Variants in ST3GAL3 observed in about 807,000 individuals in gnomAD.
ST3GAL3 encodes CMP-N-acetylneuraminate-beta-1,4-galactoside alpha-2,3-sialyltransferase.
Under a neutral mutation model 50.1 loss-of-function variants are expected in ST3GAL3, and 21 were observed. That is an observed-to-expected ratio of 0.42 (90% confidence interval 0.30 to 0.60). The LOEUF (loss-of-function observed/expected upper bound fraction) is 0.60, where lower values mean the gene tolerates loss of function less well. Among genes scored for constraint, ST3GAL3 ranks in the 20% least tolerant of loss-of-function variants. ST3GAL3 has a pLI of 0.19. For synonymous variants in ST3GAL3, 183 were observed against 190.0 expected, an observed-to-expected ratio of 0.96 and a Z score of 0.30; for missense variants, 353 against 489.4, an observed-to-expected ratio of 0.72 and a Z score of 2.63.
intron 2 of ST3GAL3, chr1:43,771,816 C>T (rs1695345650): frequency 2.8e-6 from 1 of 359,058 alleles, no homozygotes; most frequent in Admixed American, 4.7e-5. Context: ...AGTTGTGATG[C>T]TTATAGTGTT....
intron 4 of ST3GAL3, among the ~76,000 whole-genome samples, chr1:43,820,663 G>T (rs557574178): frequency 6.6e-6 from 1 of 150,550 alleles, no homozygotes; most frequent in Non-Finnish European, 1.5e-5. Context: ...TTTTCTTTTA[G>T]AATTCCCTGC....
chr1:43,887,493 A>C (rs1452723138), intron 5 of ST3GAL3, among the ~76,000 whole-genome samples: 1 of 152,174 alleles, frequency 6.6e-6, no homozygotes, highest in Non-Finnish European at 1.5e-5. Context: ...TTGCATTCAG[A>C]GAGTATTGGA....
At chr1:43,839,395 G>T (rs1574002922) in intron 5 of ST3GAL3, 1 of 152,142 alleles carries the variant, frequency 6.6e-6, no homozygotes, top group African/African-American at 2.4e-5. Context: ...CTTAACACAG[G>T]TTTTTGCAAG....
In ST3GAL3 at chr1:43,734,062, G is replaced by T. The variant is rs550871947; in HGVS notation, c.-30-2171G>T. On this transcript the variant is annotated intron_variant, in intron 1 of 11. Coordinates refer to ENST00000347631, the MANE Select transcript of ST3GAL3 (RefSeq NM_006279.5). The stretch of plus-strand genomic sequence containing the variant: ...GGAGGTGGAAGTTGCAGTGAACCGA[G>T]ATCGTGCCATTGCACTCCAGCCTGG... Among the ~76,000 whole-genome samples the T allele has an allele frequency of 2.0e-5, 3 of 152,146 alleles. No individual in the cohort carries two copies. The East Asian group carries it at 5.8e-4, about 29-fold the overall frequency.
At chr1:43,786,016 A>AT (rs112668946) in intron 2 of ST3GAL3, among the ~76,000 whole-genome samples, 47 of 150,064 alleles carry the variant, frequency 3.1e-4, no homozygotes, top group East Asian at 1.4e-3. Flanking sequence ...CCTTTTAAGC[A>AT]TTTTTTTTTG....
At chr1:43,762,846 A>G (rs1363398087) in intron 2 of ST3GAL3, among the ~76,000 whole-genome samples, 4 of 152,152 alleles carry the variant, frequency 2.6e-5, no homozygotes, top group African/African-American at 9.7e-5. Flanking sequence ...CCAAAAACCA[A>G]GTCCTGGGGA....
At chr1:43,873,989 G>A (rs774632743) in intron 5 of ST3GAL3, among the ~76,000 whole-genome samples, 1 of 152,016 alleles carries the variant, frequency 6.6e-6, no homozygotes, top group Non-Finnish European at 1.5e-5. Flanking sequence ...GGGAGCAACT[G>A]CAGAAAGGAA....
chr1:43,894,454 C>A lies in ST3GAL3; in HGVS notation c.374C>A (p.Pro125Gln), dbSNP rs1238367993. ...TGGGCTAGAATCCGGGAGTTCGTGC[C>A]GCCTTTTGGGATCAAAGGTCAAGGT... ...RKWARIREFV[P>Q]PFGIKGQDNL... The change falls in exon 6 of 12, where the codon CCG becomes CAG. Residue 125 changes from proline (P) to glutamine (Q), a missense_variant. Transcript: ENST00000347631. 6.2e-7 allele frequency: 1 copy of A among 1,613,976 alleles called. No homozygotes were observed. Among genetic ancestry groups the A allele is most frequent in the Non-Finnish European group, 8.5e-7 (1 of 1,180,016 alleles).
intron 5 of ST3GAL3, among the ~76,000 whole-genome samples, chr1:43,883,645 C>A (rs775637509): frequency 6.6e-6 from 1 of 152,250 alleles, no homozygotes; most frequent in Non-Finnish European, 1.5e-5. Context: ...TTCTTCCTCA[C>A]ACATTGCTCC....
chr1:43,930,726 G>A lies in ST3GAL3; in HGVS notation c.*505G>A, dbSNP rs913365404. The A allele has an allele frequency of 7.0e-5, 16 of 228,924 alleles. No individual in the cohort carries two copies. The highest frequency in any genetic ancestry group is 1.2e-4 in the Non-Finnish European group (14 of 113,022). 14.2% of individuals were successfully genotyped at this position (228,924 alleles called of 1,614,324 possible). On this transcript the variant is annotated 3_prime_UTR_variant, in exon 12 of 12. Transcript: ENST00000347631. Reference sequence around the variant, plus strand: ...GGACCAGCCTGTACCTTGCTGTGGGGCTACAGGATGGTGGGCAGGATCTCA... The same window carrying A: ...GGACCAGCCTGTACCTTGCTGTGGGACTACAGGATGGTGGGCAGGATCTCA...
intron 5 of ST3GAL3, among the ~76,000 whole-genome samples, chr1:43,891,287 T>C (rs557129679): frequency 6.6e-5 from 10 of 152,312 alleles, no homozygotes; most frequent in African/African-American, 2.4e-4. Flanking sequence ...AAATAATGAT[T>C]GGCTGGGCTC....
chr1:43,824,860 A>G, intron 4 of ST3GAL3: 1 of 922,844 alleles, frequency 1.1e-6, no homozygotes, highest in Non-Finnish European at 1.8e-6. Context: ...GCGAGGACAC[A>G]GCCTTTGCAT....
chr1:43,899,343 T>C lies in ST3GAL3; in HGVS notation c.557+80T>C. On this transcript the variant is annotated intron_variant, in intron 8 of 11. Coordinates refer to ENST00000347631, the MANE Select transcript of ST3GAL3 (RefSeq NM_006279.5). This position sits in a 1 kb window ranked among gnomAD's most constrained non-coding sequence, Gnocchi z 5.4. ...CTGAGCCCATTGAGAACTGTCTGTC[T>C]GGCTAGTTGGGCTGGAGGTCAACGG... is the stretch of plus-strand genomic sequence containing the variant. 1 of 1,611,730 alleles carries C rather than the reference T, an allele frequency of 6.2e-7. No homozygotes were observed. The highest frequency in any genetic ancestry group is 8.5e-7 in the Non-Finnish European group (1 of 1,178,860).
At chr1:43,718,530 T>TA (rs1668629323) in intron 1 of ST3GAL3, among the ~76,000 whole-genome samples, 1 of 151,688 alleles carries the variant, frequency 6.6e-6, no homozygotes, top group East Asian at 1.9e-4. Flanking sequence ...AGTTTTTTTT[T>TA]ATTTTTTAAA....
chr1:43,851,182 C>A, intron 5 of ST3GAL3: 3 of 1,421,028 alleles, frequency 2.1e-6, no homozygotes, highest in Non-Finnish European at 3.0e-6. Context: ...TGTTCTCCTC[C>A]AGCTGGTCAT....
intron 1 of ST3GAL3, among the ~76,000 whole-genome samples, chr1:43,730,168 GT>G (rs1674984366): frequency 6.6e-6 from 1 of 152,134 alleles, no homozygotes; most frequent in Admixed American, 6.6e-5. Flanking sequence ...TTTGAAGATT[GT>G]TTTCCCTAAT....
intron 2 of ST3GAL3, among the ~76,000 whole-genome samples, chr1:43,757,752 G>C (rs1336619359): frequency 6.6e-6 from 1 of 152,054 alleles, no homozygotes; most frequent in East Asian, 1.9e-4. Context: ...TTCTTAAATA[G>C]GGCAGAAAAG....
In ST3GAL3 at chr1:43,899,471, T is replaced by C. The variant is rs1427312124; in HGVS notation, c.558-70T>C. The C allele has an allele frequency of 9.4e-6, 15 of 1,599,882 alleles. No homozygotes were observed. The highest frequency in any genetic ancestry group is 1.2e-5 in the Non-Finnish European group (14 of 1,175,124). On this transcript the variant is annotated intron_variant, in intron 8 of 11. Transcript: ENST00000347631. This position sits in a 1 kb window ranked among gnomAD's most constrained non-coding sequence, Gnocchi z 5.4. ...ACCTGGACTCCCTATTCTCCATGCC[T>C]GGGATAGTCTGGGGTCATGGTGCCT...
chr1:43,718,080 T>G (rs1248471354), intron 1 of ST3GAL3, among the ~76,000 whole-genome samples: 3 of 150,724 alleles, frequency 2.0e-5, no homozygotes, highest in African/African-American at 4.9e-5. Context: ...TCCATGTTGA[T>G]CAGGCTGGTC....
Sources: allele counts gnomAD v4.1 joint callset (sites outside exome capture counted in the v4.1 genomes callset), GRCh38; gene constraint gnomAD v4.1.1; non-coding constraint Gnocchi (gnomAD v3.1); transcripts MANE v1.5; gene names NCBI Gene and HGNC (gene_info 2026-07-23, HGNC 2026-07-21).